The following PRPSAP2 variants were observed in gnomAD, a reference collection of about 807,000 sequenced individuals.
The protein encoded by PRPSAP2 is phosphoribosyl pyrophosphate synthetase associated protein 2, also known as phosphoribosyl pyrophosphate synthase-associated protein 2.
PRPSAP2 carries 24 observed loss-of-function variants against 40.6 expected under a neutral mutation model. The ratio of observed to expected loss-of-function variants is 0.59; its 90% CI spans 0.43 to 0.83. The LOEUF is 0.83. PRPSAP2 is among the 40% of genes least tolerant of loss of function. PRPSAP2 has a pLI of 0.00. For missense variants in PRPSAP2, 292 were observed against 465.6 expected, an observed-to-expected ratio of 0.63 and a Z score of 3.43; for synonymous variants, 149 against 164.7, an observed-to-expected ratio of 0.90 and a Z score of 0.73.
chr17:18,898,984 A>C lies in PRPSAP2; in HGVS notation c.584+9107A>C, dbSNP rs545233783. On this transcript the variant is annotated intron_variant, in intron 8 of 11. Coordinates refer to ENST00000268835, the MANE Select transcript of PRPSAP2 (RefSeq NM_002767.4). ...TGGCGTGATCTTGGCTCACCGTTGC[A>C]ACCTCTGCCTCTTGGGTTCAAGCGA... Among the ~76,000 whole-genome samples the C allele has an allele frequency of 3.9e-5, 6 of 152,108 alleles. No individual in the cohort carries two copies. The South Asian group carries it at 1.2e-3, about 32-fold the overall frequency.
intron 5 of PRPSAP2, among the ~76,000 whole-genome samples, chr17:18,875,473 G>A (rs540489689): frequency 6.2e-4 from 95 of 152,024 alleles, no homozygotes; most frequent in Middle Eastern, 3.4e-3. Flanking sequence ...GCTGAGGCAC[G>A]AGAATTGCTT....
At chr17:18,916,051 C>T (rs971355839) in intron 9 of PRPSAP2, among the ~76,000 whole-genome samples, 1 of 151,958 alleles carries the variant, frequency 6.6e-6, no homozygotes, top group Non-Finnish European at 1.5e-5. Context: ...CTCCTGAGCT[C>T]AGGCAATCTG....
intron 4 of PRPSAP2, 126 bp from the exon 5 acceptor site, chr17:18,872,457 C>G (rs1246966060): frequency 1.4e-6 from 1 of 700,054 alleles, no homozygotes; most frequent in Admixed American, 2.5e-5. Context: ...CTAAAGCCTA[C>G]TGAGTCTTAT....
chr17:18,872,581 A>G lies in PRPSAP2; in HGVS notation c.173-2A>G. 1.3e-6 allele frequency: 2 copies of G among 1,578,902 alleles called. No homozygotes were observed. The highest frequency in any genetic ancestry group is 2.2e-5 in the East Asian group (1 of 44,684). On this transcript the variant is annotated splice_acceptor_variant, in intron 4 of 11. Coordinates refer to ENST00000268835, the MANE Select transcript of PRPSAP2 (RefSeq NM_002767.4). LOFTEE classifies it high-confidence loss of function. ...CTCTCTTCTTTTTCCTTTTCCTGCCAGAAACAAGAGTACAAATTCAAGAGT... is the reference window on the plus strand; with the variant it reads ...CTCTCTTCTTTTTCCTTTTCCTGCCGGAAACAAGAGTACAAATTCAAGAGT...
At chr17:18,914,640 C>T (rs1417867165) in intron 9 of PRPSAP2, among the ~76,000 whole-genome samples, 1 of 152,022 alleles carries the variant, frequency 6.6e-6, no homozygotes, top group Non-Finnish European at 1.5e-5. Context: ...GATGATAAAT[C>T]TCATCTTTAA....
chr17:18,861,173 C>A (rs548660292), intron 1 of PRPSAP2, among the ~76,000 whole-genome samples: 1 of 152,058 alleles, frequency 6.6e-6, no homozygotes, highest in African/African-American at 2.4e-5. Flanking sequence ...AAACTACAAG[C>A]AGGCATTATG....
chr17:18,875,853 CAA>C (rs35855183), intron 5 of PRPSAP2, among the ~76,000 whole-genome samples: 144 of 107,668 alleles, frequency 1.3e-3, no homozygotes, highest in Middle Eastern at 4.3e-3. Flanking sequence ...GACTCTGTCT[CAA>C]AAAAAAAAAA....
intron 8 of PRPSAP2, chr17:18,908,919 C>T: frequency 2.4e-6 from 1 of 417,098 alleles, no homozygotes; most frequent in Non-Finnish European, 4.5e-6. Context: ...CAAATTTTAC[C>T]CTGCCCCTCC....
chr17:18,862,563 GTGCCT>G (rs1414247306), intron 1 of PRPSAP2, among the ~76,000 whole-genome samples: 1 of 152,138 alleles, frequency 6.6e-6, no homozygotes, highest in Non-Finnish European at 1.5e-5. Context: ...ACTGTGTTAA[GTGCCT>G]TGCAGAAATT....
At chr17:18,907,532 C>T (rs2040672287) in intron 8 of PRPSAP2, among the ~76,000 whole-genome samples, 1 of 152,124 alleles carries the variant, frequency 6.6e-6, no homozygotes, top group Admixed American at 6.5e-5. Context: ...TTGAACAACC[C>T]CTTCAGCCTG....
intron 9 of PRPSAP2, among the ~76,000 whole-genome samples, chr17:18,921,147 C>T (rs547906805): frequency 1.3e-5 from 2 of 152,242 alleles, no homozygotes; most frequent in East Asian, 1.9e-4. Context: ...AATAACCCAT[C>T]GTATGAATGT....
At chr17:18,904,127 C>G (rs533635198) in intron 8 of PRPSAP2, among the ~76,000 whole-genome samples, 2 of 152,304 alleles carry the variant, frequency 1.3e-5, no homozygotes, top group South Asian at 4.1e-4. Context: ...AAGGCTGTCT[C>G]TCCAAGCCTC....
Position 18,924,132 on chromosome 17 carries a change from CAGGTTCAA to C in PRPSAP2, c.804+150_804+157del, listed in dbSNP as rs572423296. 1.3e-4 allele frequency: 84 copies of C among 632,246 alleles called. No individual in the cohort carries two copies. The South Asian group carries it at 2.2e-3, about 16-fold the overall frequency. The allele number at this position is 632,246 out of a possible 1,614,324, so 39.2% of individuals were successfully genotyped here. A position where few individuals can be genotyped will look rare whatever the true frequency, so the allele number is the denominator to read the frequency against. On this transcript the variant is annotated intron_variant, in intron 10 of 11. Coordinates refer to ENST00000268835, the MANE Select transcript of PRPSAP2 (RefSeq NM_002767.4). ...TCGGCTCACTGCAACTTCTGCCTCCCAGGTTCAAACGATTCTCCTGCCTCAGCCTCCCA... is the reference window on the plus strand; with the variant it reads ...TCGGCTCACTGCAACTTCTGCCTCCCACGATTCTCCTGCCTCAGCCTCCCA...
chr17:18,926,583 A>C (rs2041990025), intron 10 of PRPSAP2, among the ~76,000 whole-genome samples: 1 of 152,116 alleles, frequency 6.6e-6, no homozygotes, highest in Non-Finnish European at 1.5e-5. Context: ...GCATTTTTTA[A>C]AAAAACGTTT....
chr17:18,910,553 G>A (rs1597710124), intron 8 of PRPSAP2, among the ~76,000 whole-genome samples: 1 of 151,984 alleles, frequency 6.6e-6, no homozygotes, highest in Non-Finnish European at 1.5e-5. Flanking sequence ...AATCACTAAG[G>A]GGCATAAGGA....
Position 18,872,572 on chromosome 17 carries a change from T to G in PRPSAP2, c.173-11T>G, listed in dbSNP as rs1329176586. ...TGCCTTTCCCTCTCTTCTTTTTCCT[T>G]TTCCTGCCAGAAACAAGAGTACAAA... On this transcript the variant is annotated splice_polypyrimidine_tract_variant and intron_variant, in intron 4 of 11. Transcript: ENST00000268835. 2 of 1,564,410 alleles carry G rather than the reference T, an allele frequency of 1.3e-6. No homozygotes were observed. Among genetic ancestry groups the G allele is most frequent in the Non-Finnish European group, 1.8e-6 (2 of 1,138,668 alleles).
chr17:18,893,153 CTT>C (rs71355574), intron 8 of PRPSAP2, among the ~76,000 whole-genome samples: 9,331 of 124,682 alleles, frequency 0.075, 214 homozygotes, highest in Middle Eastern at 0.098. Flanking sequence ...TTCAATTTAT[CTT>C]TTTTTTTTTT....
upstream of PRPSAP2, among the ~76,000 whole-genome samples, chr17:18,856,738 G>T (rs1293126481): frequency 6.6e-6 from 1 of 152,150 alleles, no homozygotes; most frequent in Non-Finnish European, 1.5e-5. Flanking sequence ...AAAGCCTCCT[G>T]GGTCGAAATT....
chr17:18,861,714 A>G (rs987153331), intron 1 of PRPSAP2, among the ~76,000 whole-genome samples: 12 of 152,118 alleles, frequency 7.9e-5, no homozygotes, highest in African/African-American at 2.7e-4. Flanking sequence ...AGAGATAAGG[A>G]AAGACTTCAG....
Sources: allele counts gnomAD v4.1 joint callset (sites outside exome capture counted in the v4.1 genomes callset), GRCh38; gene constraint gnomAD v4.1.1; transcripts MANE v1.5; gene names NCBI Gene and HGNC (gene_info 2026-07-23, HGNC 2026-07-21).